Variants in COL4A6 observed in about 807,000 individuals in gnomAD.
COL4A6 encodes the protein collagen type IV alpha 6 chain, also known as collagen alpha-6(IV) chain.
In COL4A6, 59 loss-of-function variants were observed where a neutral mutation model predicts 126.7. The ratio of observed to expected loss-of-function variants is 0.47; its 90% CI spans 0.38 to 0.58. COL4A6 has a LOEUF of 0.58. Ranked by LOEUF, COL4A6 falls within the 20% of genes least tolerant of loss-of-function variation. COL4A6 has a pLI of 0.00. For synonymous variants in COL4A6, 547 were observed against 496.6 expected (o/e 1.10, Z -1.35); for missense variants, 1,285 against 1,337.3 (o/e 0.96, Z 0.61).
chrX:108,166,829 T>C (rs2034142808), intron 37 of COL4A6, among the ~76,000 whole-genome samples: 1 of 111,557 alleles, frequency 9.0e-6, no homozygotes, highest in Non-Finnish European at 1.9e-5. Flanking sequence ...GAAAGACATA[T>C]TGTATACTTT....
Position 108,179,289 on chromosome X carries a change from C to A in COL4A6, c.2281G>T (p.Gly761Trp), listed in dbSNP as rs150746702. Residue 761 changes from glycine to tryptophan, a missense_variant, in exon 26 of 45, where the codon GGG becomes TGG. Transcript: ENST00000334504. ...GTTAATCCTTGTAGGCCTTGTTCCC[C>A]CGGAGCACCATTTTCAGCACCAAAG... ...DIFGAENGAP[G>W]EQGLQGLTGH... is the part of the protein sequence containing the mutation. The A allele has an allele frequency of 8.3e-6, 10 of 1,209,433 alleles. No homozygotes were observed. In the African/African-American group the frequency reaches 1.6e-4, roughly 19 times the overall value.
intron 3 of COL4A6, among the ~76,000 whole-genome samples, chrX:108,297,733 G>A (rs1405403485): frequency 9.0e-6 from 1 of 111,015 alleles, no homozygotes; most frequent in African/African-American, 3.3e-5. Context: ...GGGCCCCTGG[G>A]AAGTGGGAAG....
At chrX:108,254,685 G>C (rs1002570071) in intron 3 of COL4A6, among the ~76,000 whole-genome samples, 22 of 111,072 alleles carry the variant, frequency 2.0e-4, no homozygotes, top group African/African-American at 7.2e-4. Context: ...AGGCTGGAAT[G>C]TCCATTTTAT....
rs771088984 is a variant in COL4A6, at chrX:108,187,918, C to T, written c.1697G>A (p.Gly566Asp). ...TGGTTCTCCTATTACACCACGGAAGCCCTGGGAGCCAGAATCACCCCGATC... is the reference window on the plus strand; with the variant it reads ...TGGTTCTCCTATTACACCACGGAAGTCCTGGGAGCCAGAATCACCCCGATC... ...PGDRGDSGSQ[G>D]FRGVIGEPGK... Residue 566 changes from glycine (G) to aspartate (D), a missense_variant, in exon 22 of 45, where the codon GGC (glycine) becomes GAC (aspartate). Transcript: ENST00000334504. The T allele has an allele frequency of 2.5e-6, 3 of 1,209,930 alleles. No individual in the cohort carries two copies. The highest frequency in any genetic ancestry group is 2.2e-6 in the Non-Finnish European group (2 of 894,546).
chrX:108,172,562 T>C (rs1322705843), intron 31 of COL4A6, 30 bp from the exon 32 acceptor site: 2 of 1,145,392 alleles, frequency 1.7e-6, no homozygotes. Flanking sequence ...TCATCATTTC[T>C]GCCCAGAGCT....
chrX:108,160,729 A>G, intron 42 of COL4A6, 75 bp from the exon 43 acceptor site: 1 of 951,959 alleles, frequency 1.1e-6, no homozygotes, highest in South Asian at 2.5e-5. Context: ...TGTACCACAC[A>G]TTGTCCAAGG....
intron 23 of COL4A6, among the ~76,000 whole-genome samples, chrX:108,184,224 A>T: frequency 8.9e-6 from 1 of 112,485 alleles, no homozygotes; most frequent in Non-Finnish European, 1.9e-5. Context: ...AATTGTGCAG[A>T]AGAAAGGTAG....
intron 2 of COL4A6, among the ~76,000 whole-genome samples, chrX:108,343,821 A>AAAAAAAAT: frequency 9.5e-6 from 1 of 105,459 alleles, no homozygotes; most frequent in Admixed American, 1.0e-4. Context: ...AAAAAAAAAA[A>AAAAAAAAT]GGCAGTGAAG....
intron 10 of COL4A6, 37 bp from the exon 11 acceptor site, chrX:108,205,517 G>A (rs762126399): frequency 3.5e-6 from 4 of 1,148,156 alleles, no homozygotes; most frequent in East Asian, 6.0e-5. Context: ...AAACAAAATC[G>A]ATTACTAAAT....
chrX:108,423,280 G>A (rs946332005), intron 2 of COL4A6, among the ~76,000 whole-genome samples: 1 of 111,838 alleles, frequency 8.9e-6, no homozygotes, highest in Non-Finnish European at 1.9e-5. Context: ...TGCTTCCAAT[G>A]GACAGAAATC....
chrX:108,236,337 G>A lies in COL4A6; in HGVS notation c.145-14963C>T, dbSNP rs770046531. On this transcript the variant is annotated intron_variant, in intron 3 of 44. Transcript: ENST00000334504. ...GGAACCCAAGAGAAGAAAAAGTGAG[G>A]GGTTGTTACGGGGGTGGGAGAAGCT... Among the ~76,000 whole-genome samples the A allele has an allele frequency of 2.4e-3, 271 of 111,070 alleles. 2 individuals are homozygous for A. Among genetic ancestry groups the A allele is most frequent in the African/African-American group, 8.6e-3 (264 of 30,552 alleles).
chrX:108,176,798 C>T, intron 28 of COL4A6, 43 bp downstream of exon 28: 1 of 1,158,526 alleles, frequency 8.6e-7, no homozygotes, highest in Non-Finnish European at 1.2e-6. Flanking sequence ...TGAAATGCTC[C>T]TTTTTGGCAA....
chrX:108,365,936 A>G (rs1336072852), intron 2 of COL4A6, among the ~76,000 whole-genome samples: 1 of 111,520 alleles, frequency 9.0e-6, no homozygotes, highest in Non-Finnish European at 1.9e-5. Context: ...CAGGAAAAAG[A>G]GTATCTCCAG....
intron 2 of COL4A6, among the ~76,000 whole-genome samples, chrX:108,359,016 T>C (rs921635176): frequency 8.9e-6 from 1 of 111,862 alleles, no homozygotes; most frequent in Non-Finnish European, 1.9e-5. Flanking sequence ...AGTTTGAATA[T>C]GGTTCAAGAC....
At chrX:108,347,134 G>A (rs745853253) in intron 2 of COL4A6, among the ~76,000 whole-genome samples, 203 of 112,365 alleles carry the variant, frequency 1.8e-3, no homozygotes, top group African/African-American at 6.3e-3. Flanking sequence ...GGCAGCACAG[G>A]GGGCATGCAA....
intron 27 of COL4A6, among the ~76,000 whole-genome samples, chrX:108,177,267 C>T (rs918918110): frequency 8.9e-6 from 1 of 112,420 alleles, no homozygotes; most frequent in Non-Finnish European, 1.9e-5. Context: ...GAGCAAACCC[C>T]TTCTGATTAT....
chrX:108,162,892 CT>C lies in COL4A6; in HGVS notation c.4215del (p.Gly1406AlafsTer58), dbSNP rs1389232550. 1 of 1,169,615 alleles carries C rather than the reference CT, an allele frequency of 8.5e-7. No individual in the cohort carries two copies. The highest frequency in any genetic ancestry group is 1.1e-6 in the Non-Finnish European group (1 of 878,277). ...DPGAQGPVGL[Q>X]GSKGLPGIPG... ...CTCCTTTTTCTGGCACCCTCCTCAC[CT>C]TGTAGGCCTACAGGGCCTTGAGCCC... On this transcript the variant is annotated frameshift_variant and splice_region_variant, in exon 41 of 45. Coordinates refer to ENST00000334504, the MANE Select transcript of COL4A6 (RefSeq NM_033641.4). LOFTEE classifies it high-confidence loss of function.
intron 2 of COL4A6, among the ~76,000 whole-genome samples, chrX:108,327,340 T>C (rs2039179931): frequency 9.4e-6 from 1 of 105,833 alleles, no homozygotes; most frequent in South Asian, 4.7e-4. Flanking sequence ...GCCCCTTCTA[T>C]GGAAAAATTG....
In COL4A6 at chrX:108,157,038, G is replaced by A. The variant is rs2033761605; in HGVS notation, c.5035C>T (p.Arg1679Ter). The change falls in exon 45 of 45, where the codon CGA (arginine) becomes TGA (stop). Residue 1679 changes from arginine to a stop codon, truncating the protein, a stop_gained. Transcript: ENST00000334504. LOFTEE classifies it high-confidence loss of function. ...ATACACACCTGGCAGCGACTGACTCGAGTGTGGAGCTGCCCAGCTTTCAGC... is the reference window on the plus strand; with the variant it reads ...ATACACACCTGGCAGCGACTGACTCAAGTGTGGAGCTGCCCAGCTTTCAGC... ...ETLKAGQLHT[R>*]VSRCQVCMKS... 8.3e-7 allele frequency: 1 copy of A among 1,211,770 alleles called. No individual in the cohort carries two copies.
Sources: allele counts gnomAD v4.1 joint callset (sites outside exome capture counted in the v4.1 genomes callset), GRCh38; gene constraint gnomAD v4.1.1; transcripts MANE v1.5; gene names NCBI Gene and HGNC (gene_info 2026-07-23, HGNC 2026-07-21).